The following ABL1 variants were observed in gnomAD, a reference collection of about 807,000 sequenced individuals.
ABL1 encodes ABL proto-oncogene 1, non-receptor tyrosine kinase, also known as tyrosine-protein kinase ABL1.
ABL1 carries 11 observed loss-of-function variants against 94.7 expected under a neutral mutation model. That is an observed-to-expected ratio of 0.12 (90% CI 0.07 to 0.19). The LOEUF (loss-of-function observed/expected upper bound fraction) is 0.19, where lower values mean the gene tolerates loss of function less well. Ranked by LOEUF, ABL1 falls within the 10% of genes least tolerant of loss-of-function variation. The pLI, the probability that ABL1 is intolerant of heterozygous loss-of-function variation, is 1.00. For missense variants in ABL1, 1,082 were observed against 1,489.4 expected (o/e 0.73, Z 4.50); for synonymous variants, 656 against 622.4 (o/e 1.05, Z -0.80).
At chr9:130,749,266 C>A (rs1038615973) in intron 1 of ABL1, among the ~76,000 whole-genome samples, 1 of 152,146 alleles carries the variant, frequency 6.6e-6, no homozygotes, top group Non-Finnish European at 1.5e-5. Context: ...GAATTAAAAA[C>A]CTCTGTTCAG....
chr9:130,775,173 CT>C (rs1832297249), intron 1 of ABL1, among the ~76,000 whole-genome samples: 1 of 152,206 alleles, frequency 6.6e-6, no homozygotes, highest in Non-Finnish European at 1.5e-5. Context: ...CTATATCTAT[CT>C]TTTTCTCAGT....
At chr9:130,774,004 T>C (rs915652791) in intron 1 of ABL1, among the ~76,000 whole-genome samples, 2 of 152,212 alleles carry the variant, frequency 1.3e-5, no homozygotes, top group African/African-American at 4.8e-5. Flanking sequence ...CATAAATTAG[T>C]TTTCATTTAT....
intron 1 of ABL1, among the ~76,000 whole-genome samples, chr9:130,811,911 C>CAAAAAAAAAAAAA (rs1203330162): frequency 5.4e-5 from 1 of 18,558 alleles, no homozygotes; most frequent in South Asian, 2.1e-3. Context: ...GACTCCGTCT[C>CAAAAAAAAAAAAA]AAAAAAAAAA....
intron 1 of ABL1, among the ~76,000 whole-genome samples, chr9:130,813,953 G>GA (rs1232115621): frequency 6.6e-6 from 1 of 152,114 alleles, no homozygotes; most frequent in Non-Finnish European, 1.5e-5. Context: ...TTAGAAATTA[G>GA]AAAAAATGAA....
chr9:130,830,540 A>G (rs532237835), upstream of ABL1, among the ~76,000 whole-genome samples: 1 of 152,240 alleles, frequency 6.6e-6, no homozygotes, highest in African/African-American at 2.4e-5. Context: ...TCATAAAATA[A>G]ATTGATTTCC....
intron 8 of ABL1, among the ~76,000 whole-genome samples, chr9:130,878,829 C>G (rs1831397969): frequency 6.6e-6 from 1 of 151,604 alleles, no homozygotes; most frequent in South Asian, 2.1e-4. Context: ...TTCCTGGGCC[C>G]TGCTTTCACA....
intron 1 of ABL1, among the ~76,000 whole-genome samples, chr9:130,739,174 G>T (rs1057136248): frequency 6.6e-6 from 1 of 152,184 alleles, no homozygotes; most frequent in Non-Finnish European, 1.5e-5. Context: ...GATTACAGGC[G>T]TGAAACACTG....
At chr9:130,797,020 G>C (rs188068704) in intron 1 of ABL1, among the ~76,000 whole-genome samples, 198 of 149,580 alleles carry the variant, frequency 1.3e-3, no homozygotes, top group African/African-American at 4.7e-3. Context: ...GGTGGATCAC[G>C]AGATCAGGAG....
chr9:130,868,652 CT>C (rs961619933), intron 4 of ABL1, among the ~76,000 whole-genome samples: 4 of 150,788 alleles, frequency 2.7e-5, no homozygotes, highest in African/African-American at 9.8e-5. Context: ...TCCTGAGTAG[CT>C]GGCATTACAG....
At chr9:130,844,555 A>G (rs960398558) in intron 1 of ABL1, among the ~76,000 whole-genome samples, 15 of 151,888 alleles carry the variant, frequency 9.9e-5, no homozygotes, top group Non-Finnish European at 2.9e-5. Context: ...AGAAAGGTTA[A>G]TATTTGAGGC....
At chr9:130,746,676 A>G (rs992744724) in intron 1 of ABL1, among the ~76,000 whole-genome samples, 10 of 152,000 alleles carry the variant, frequency 6.6e-5, no homozygotes, top group African/African-American at 2.4e-4. Context: ...TTATTCATTC[A>G]TCTGTTGAGG....
chr9:130,759,610 A>G (rs926731532), intron 1 of ABL1, among the ~76,000 whole-genome samples: 1 of 152,238 alleles, frequency 6.6e-6, no homozygotes, highest in African/African-American at 2.4e-5. Flanking sequence ...TTTATTTAAG[A>G]ATGTACTCGA....
chr9:130,793,722 G>T lies in ABL1; in HGVS notation c.137-60342G>T, dbSNP rs115243458. Among the ~76,000 whole-genome samples, 1,152 of 152,162 alleles carry T rather than the reference G, an allele frequency of 7.6e-3. 14 individuals are homozygous for T. Among genetic ancestry groups the T allele is most frequent in the African/African-American group, 0.026 (1,086 of 41,500 alleles). ...ATCCCCAGGCCACAGACTGGTCATG[G>T]TCTGTGGCCTGTTAGGAACCAGGCC... On this transcript the variant is annotated intron_variant, in intron 1 of 10. Coordinates refer to the ABL1 transcript ENST00000372348.
At chr9:130,722,082 A>G (rs1174284795) in intron 1 of ABL1, among the ~76,000 whole-genome samples, 2 of 151,230 alleles carry the variant, frequency 1.3e-5, no homozygotes, top group Non-Finnish European at 1.5e-5. Context: ...GTGCCTGGCT[A>G]TCCGATTCTC....
At chr9:130,745,043 T>C (rs940120536) in intron 1 of ABL1, among the ~76,000 whole-genome samples, 1 of 151,338 alleles carries the variant, frequency 6.6e-6, no homozygotes, top group African/African-American at 2.4e-5. Context: ...GGAATAAAGG[T>C]AGAGTGGTGA....
chr9:130,718,552 G>A (rs2583839), intron 1 of ABL1, among the ~76,000 whole-genome samples: 79,779 of 151,858 alleles, frequency 0.53, 22,594 homozygotes, highest in African/African-American at 0.74. Context: ...AGGGGCCTTC[G>A]GTTATTTTTC....
exon 1 of ABL1, among the ~76,000 whole-genome samples, chr9:130,713,227 G>A (rs1041606373): frequency 6.6e-6 from 1 of 152,106 alleles, no homozygotes; most frequent in African/African-American, 2.4e-5. Flanking sequence ...TGGTGTCAGC[G>A]TCCGGGGCCG....
chr9:130,823,283 T>C (rs943105683), intron 1 of ABL1, among the ~76,000 whole-genome samples: 1 of 152,156 alleles, frequency 6.6e-6, no homozygotes, highest in African/African-American at 2.4e-5. Flanking sequence ...ACTCTTCAAT[T>C]TTCTAAAGGT....
At chr9:130,797,527 G>A (rs1330619021) in intron 1 of ABL1, among the ~76,000 whole-genome samples, 4 of 152,052 alleles carry the variant, frequency 2.6e-5, no homozygotes, top group East Asian at 1.9e-4. Context: ...GGCGTGTGCC[G>A]CCATGCTTAG....
Sources: allele counts gnomAD v4.1 joint callset (sites outside exome capture counted in the v4.1 genomes callset), GRCh38; gene constraint gnomAD v4.1.1; transcripts MANE v1.5; gene names NCBI Gene and HGNC (gene_info 2026-07-23, HGNC 2026-07-21).